Variants in KLK13 observed in about 807,000 individuals in gnomAD.
The protein encoded by KLK13 is kallikrein-13.
KLK13 carries 19 observed loss-of-function variants against 22.4 expected under a neutral mutation model. The observed-to-expected ratio is 0.85, with a 90% CI of 0.59 to 1.24. KLK13 has a LOEUF of 1.24. KLK13 is among the 50% of genes most tolerant of loss of function. The pLI is 0.00. For missense variants in KLK13, 311 were observed against 347.9 expected, an observed-to-expected ratio of 0.89 and a Z score of 0.84; for synonymous variants, 156 against 141.8, an observed-to-expected ratio of 1.10 and a Z score of -0.71.
chr19:51,059,885 GGTT>G lies in KLK13; in HGVS notation c.445_447del (p.Asn149del), dbSNP rs1248892420. ...CGACAGGTGGTGCCAGGGGTTAGGC[GGTT>G]GTTGTGGGAAAGGGGCAGGGTTTGG... On this transcript the variant is annotated inframe_deletion, in exon 3 of 5. Coordinates refer to ENST00000595793, the MANE Select transcript of KLK13 (RefSeq NM_015596.3). The G allele has an allele frequency of 1.2e-6, 2 of 1,603,900 alleles. No individual in the cohort carries two copies. The highest frequency in any genetic ancestry group is 2.2e-5 in the East Asian group (1 of 44,718).
At chr19:51,060,707 C>T (rs2091722642) in intron 1 of KLK13, 88 bp from the exon 2 acceptor site, 5 of 1,086,050 alleles carry the variant, frequency 4.6e-6, no homozygotes, top group South Asian at 1.7e-5. Flanking sequence ...GGGTAAGGGT[C>T]GGATTATTGC....
At chr19:51,058,428 A>T (rs1228751706) in intron 4 of KLK13, 110 bp downstream of exon 4, 1 of 1,299,476 alleles carries the variant, frequency 7.7e-7, no homozygotes. Context: ...ATTGTATCTT[A>T]TAAAGATTGG....
At chr19:51,059,164 G>A (rs1193323083) in intron 3 of KLK13, among the ~76,000 whole-genome samples, 1 of 151,768 alleles carries the variant, frequency 6.6e-6, no homozygotes, top group Non-Finnish European at 1.5e-5. Context: ...GAGATGCAAA[G>A]GGCTCTTGTC....
At chr19:51,057,491 A>C (rs757961411) in intron 4 of KLK13, among the ~76,000 whole-genome samples, 6 of 152,130 alleles carry the variant, frequency 3.9e-5, no homozygotes, top group Non-Finnish European at 7.3e-5. Context: ...TTTTAGAGAC[A>C]GGGCCTTGCT....
chr19:51,056,662 T>A lies in KLK13; in HGVS notation c.759A>T (p.Arg253Ser), dbSNP rs779917584. The A allele has an allele frequency of 1.2e-6, 2 of 1,614,122 alleles. No homozygotes were observed. Among genetic ancestry groups the A allele is most frequent in the Non-Finnish European group, 1.7e-6 (2 of 1,180,036 alleles). The change falls in exon 5 of 5, where the codon AGA becomes AGT. Residue 253 changes from arginine to serine, a missense_variant. Arg to Ser is a moderately radical substitution (Grantham distance 110, BLOSUM62 -1). Transcript: ENST00000595793. ...TTGTTTCACGGATCCACAGGACGTA[T>A]CTTGAGACACGGGTGTAGACACCAG... Reference protein sequence around the residue: ...DRPGVYTRVSRYVLWIRETIR... With the variant: ...DRPGVYTRVSSYVLWIRETIR...
chr19:51,065,101 C>CGGGGGGGGG, upstream of KLK13: 10 of 431,728 alleles, frequency 2.3e-5, no homozygotes, highest in Non-Finnish European at 4.4e-5. Context: ...GCAGGGCGGG[C>CGGGGGGGGG]GGGGCCTGAG....
chr19:51,058,743 CGAGTTGAATGGGTAAA>C, intron 3 of KLK13, 69 bp from the exon 4 acceptor site: 1 of 1,472,172 alleles, frequency 6.8e-7, no homozygotes, highest in Non-Finnish European at 9.5e-7. Context: ...GTGAAATAGG[CGAGTTGAATGGGTAAA>C]GAGTAGATAG....
upstream of KLK13, among the ~76,000 whole-genome samples, chr19:51,065,433 C>G (rs3810091): frequency 6.6e-6 from 1 of 152,056 alleles, no homozygotes; most frequent in African/African-American, 2.4e-5. Context: ...TCTGTCCACA[C>G]GCTTGGTATT....
chr19:51,063,678 G>A (rs555844254), intron 1 of KLK13: 1 of 456,678 alleles, frequency 2.2e-6, no homozygotes, highest in Non-Finnish European at 4.4e-6. Context: ...ATGAATCCAG[G>A]GAGTGTCGCC....
chr19:51,059,261 T>C (rs2091703188), intron 3 of KLK13, among the ~76,000 whole-genome samples: 1 of 150,828 alleles, frequency 6.6e-6, no homozygotes, highest in South Asian at 2.1e-4. Flanking sequence ...ATTGAATTAT[T>C]AGACATTTCA....
intron 3 of KLK13, 64 bp from the exon 4 acceptor site, chr19:51,058,738 A>G (rs2091699068): frequency 1.3e-6 from 2 of 1,535,010 alleles, no homozygotes; most frequent in Admixed American, 3.4e-5. Flanking sequence ...TGAAGGTGAA[A>G]TAGGCGAGTT....
At position 51,065,015 on chromosome 19, in the gene KLK13, C is replaced by T. The variant is rs1162067127; in HGVS notation, c.52+1G>A. On this transcript the variant is annotated splice_donor_variant, in intron 1 of 4. Coordinates refer to ENST00000595793, the MANE Select transcript of KLK13 (RefSeq NM_015596.3). LOFTEE classifies it high-confidence loss of function. Reference sequence around the variant, plus strand: ...GCGCCTCCACCCCCGCGCATTCTTACCTCCTGACAAGGCCAAGGTCAGGGA... The same window carrying T: ...GCGCCTCCACCCCCGCGCATTCTTATCTCCTGACAAGGCCAAGGTCAGGGA... 5 of 1,554,968 alleles carry T rather than the reference C, an allele frequency of 3.2e-6. No homozygotes were observed. Among genetic ancestry groups the T allele is most frequent in the Non-Finnish European group, 4.4e-6 (5 of 1,149,058 alleles).
intron 3 of KLK13, 104 bp from the exon 4 acceptor site, chr19:51,058,778 G>T: frequency 8.8e-7 from 1 of 1,130,152 alleles, no homozygotes; most frequent in African/African-American, 1.5e-5. Flanking sequence ...AGAAAATTGA[G>T]ATGGGAAGAG....
chr19:51,062,598 A>C (rs1222881576), intron 1 of KLK13, among the ~76,000 whole-genome samples: 1 of 152,194 alleles, frequency 6.6e-6, no homozygotes, highest in Non-Finnish European at 1.5e-5. Flanking sequence ...TCTGGCATTG[A>C]AAGCACAGCA....
intron 1 of KLK13, 79 bp downstream of exon 1, chr19:51,064,937 C>A: frequency 8.0e-7 from 1 of 1,244,810 alleles, no homozygotes. Context: ...GCGGCTCCCA[C>A]GCCCCCTCCC....
Position 51,062,779 on chromosome 19 carries a change from G to A in KLK13, c.53-2160C>T, listed in dbSNP as rs118018502. Reference sequence around the variant, plus strand: ...TCAAGATGATCCTGCATTTCAAACCGTGCAGCACAGCAGGTGGCATGGAGA... The same window carrying A: ...TCAAGATGATCCTGCATTTCAAACCATGCAGCACAGCAGGTGGCATGGAGA... On this transcript the variant is annotated intron_variant, in intron 1 of 4. Coordinates refer to ENST00000595793, the MANE Select transcript of KLK13 (RefSeq NM_015596.3). 4.6e-5 allele frequency among the ~76,000 whole-genome samples: 7 copies of A among 152,224 alleles called. No individual in the cohort carries two copies. In the East Asian group the frequency reaches 9.6e-4, roughly 21 times the overall value.
At chr19:51,059,165 G>T (rs1005011329) in intron 3 of KLK13, among the ~76,000 whole-genome samples, 1 of 151,598 alleles carries the variant, frequency 6.6e-6, no homozygotes, top group African/African-American at 2.4e-5. Context: ...AGATGCAAAG[G>T]GCTCTTGTCG....
In KLK13 at chr19:51,056,658, C is replaced by T. The variant is rs150383488; in HGVS notation, c.763G>A (p.Val255Ile). ...PGVYTRVSRYVLWIRETIRKY... is the reference protein window; with the variant it reads ...PGVYTRVSRYILWIRETIRKY... ...CGGATTGTTTCACGGATCCACAGGACGTATCTTGAGACACGGGTGTAGACA... is the reference window on the plus strand; with the variant it reads ...CGGATTGTTTCACGGATCCACAGGATGTATCTTGAGACACGGGTGTAGACA... The change falls in exon 5 of 5, where the codon GTC becomes ATC. Residue 255 changes from valine to isoleucine, a missense_variant. By Grantham distance (29) the Val-to-Ile change is conservative. Transcript: ENST00000595793. 1.1e-5 allele frequency: 17 copies of T among 1,614,044 alleles called. No individual in the cohort carries two copies. In the East Asian group the frequency reaches 1.8e-4, roughly 17 times the overall value.
intron 3 of KLK13, among the ~76,000 whole-genome samples, chr19:51,058,933 G>T (rs1477268642): frequency 1.3e-5 from 2 of 152,068 alleles, no homozygotes; most frequent in Admixed American, 6.6e-5. Flanking sequence ...AGAATGGAAG[G>T]TTGATAAGGA....
Sources: allele counts gnomAD v4.1 joint callset (sites outside exome capture counted in the v4.1 genomes callset), GRCh38; gene constraint gnomAD v4.1.1; transcripts MANE v1.5; gene names NCBI Gene and HGNC (gene_info 2026-07-23, HGNC 2026-07-21).